Variants in ADARB2 observed in about 807,000 individuals in gnomAD.
ADARB2 encodes the protein inactive double-stranded RNA-specific editase B2.
ADARB2 carries 25 observed loss-of-function variants against 62.2 expected under a neutral mutation model. The observed-to-expected ratio is 0.40, with a 90% CI of 0.29 to 0.56. The LOEUF (loss-of-function observed/expected upper bound fraction) is 0.56. ADARB2 is among the 20% of genes least tolerant of loss of function. The pLI is 0.43. For synonymous variants in ADARB2, 572 were observed against 500.8 expected, an observed-to-expected ratio of 1.14 and a Z score of -1.90; for missense variants, 1,071 against 1,077.4, an observed-to-expected ratio of 0.99 and a Z score of 0.08.
Position 1,200,285 on chromosome 10 carries a change from C to T in ADARB2, c.1683-138G>A, listed in dbSNP as rs904399127. 7 of 1,148,018 alleles carry T rather than the reference C, an allele frequency of 6.1e-6. No individual in the cohort carries two copies. The African/African-American group carries it at 7.6e-5, about 13-fold the overall frequency. The allele number at this position is 1,148,018 out of a possible 1,614,324, so 71.1% of individuals were successfully genotyped here. A position where few individuals can be genotyped will look rare whatever the true frequency, so the allele number is the denominator to read the frequency against. ...GACCTTGGGGAGCTCCCTGGGAGTGCCCCAGACCCAACCCAGCCATCACTG... is the reference window on the plus strand; with the variant it reads ...GACCTTGGGGAGCTCCCTGGGAGTGTCCCAGACCCAACCCAGCCATCACTG... On this transcript the variant is annotated intron_variant, in intron 7 of 9. Transcript: ENST00000381312.
intron 1 of ADARB2, among the ~76,000 whole-genome samples, chr10:1,636,527 A>C (rs1253850603): frequency 6.6e-6 from 1 of 152,048 alleles, no homozygotes; most frequent in Non-Finnish European, 1.5e-5. Context: ...AAACCAAAAG[A>C]AATGGTGCCT....
chr10:1,736,900 A>T, intron 1 of ADARB2, 151 bp downstream of exon 1: 1 of 709,396 alleles, frequency 1.4e-6, no homozygotes, highest in Non-Finnish European at 2.3e-6. Flanking sequence ...CGGGATCTGA[A>T]CTCCCGAGCG....
At chr10:1,587,309 C>T (rs983823776) in intron 1 of ADARB2, among the ~76,000 whole-genome samples, 2 of 152,160 alleles carry the variant, frequency 1.3e-5, no homozygotes, top group Non-Finnish European at 2.9e-5. Flanking sequence ...CCTTTAGAGA[C>T]CCTCAGGGGT....
At chr10:1,607,052 T>C (rs1035584604) in intron 1 of ADARB2, among the ~76,000 whole-genome samples, 17 of 152,192 alleles carry the variant, frequency 1.1e-4, no homozygotes, top group Admixed American at 8.5e-4. Flanking sequence ...TAATGTCTAA[T>C]CTGGACAGGT....
At chr10:1,302,873 T>A (rs1366018659) in intron 3 of ADARB2, among the ~76,000 whole-genome samples, 1 of 151,806 alleles carries the variant, frequency 6.6e-6, no homozygotes, top group African/African-American at 2.4e-5. Context: ...CAAAAACCCA[T>A]CTGTACATCA....
chr10:1,312,362 G>A (rs1443092745), intron 3 of ADARB2, among the ~76,000 whole-genome samples: 1 of 152,218 alleles, frequency 6.6e-6, no homozygotes, highest in Non-Finnish European at 1.5e-5. Context: ...GCCCCCGGCA[G>A]GCCCCAGGCT....
intron 3 of ADARB2, among the ~76,000 whole-genome samples, chr10:1,301,645 C>T (rs1331587278): frequency 6.6e-6 from 1 of 152,116 alleles, no homozygotes; most frequent in African/African-American, 2.4e-5. Context: ...ACTAGGGTGA[C>T]TGCTTAGGAT....
intron 3 of ADARB2, among the ~76,000 whole-genome samples, chr10:1,302,271 G>A (rs186556662): frequency 1.3e-5 from 2 of 152,166 alleles, no homozygotes; most frequent in African/African-American, 2.4e-5. Context: ...GGTGACGGAC[G>A]GCACCTGGAA....
chr10:1,391,372 C>G (rs915084764), intron 1 of ADARB2, among the ~76,000 whole-genome samples: 5 of 152,138 alleles, frequency 3.3e-5, no homozygotes, highest in Non-Finnish European at 7.4e-5. Flanking sequence ...CCATCAGACA[C>G]CTGATCTTGC....
intron 7 of ADARB2, among the ~76,000 whole-genome samples, chr10:1,209,398 C>T (rs1837113923): frequency 6.8e-6 from 1 of 147,502 alleles, no homozygotes; most frequent in South Asian, 2.1e-4. Flanking sequence ...CCCACACCCA[C>T]ACTATCACCT....
At chr10:1,657,995 TTC>T (rs1834193666) in intron 1 of ADARB2, among the ~76,000 whole-genome samples, 1 of 151,430 alleles carries the variant, frequency 6.6e-6, no homozygotes, top group Admixed American at 6.6e-5. Context: ...CTCTCTCTCT[TTC>T]TGTGTCTCTC....
At chr10:1,655,048 A>G (rs903539915) in intron 1 of ADARB2, among the ~76,000 whole-genome samples, 16 of 152,068 alleles carry the variant, frequency 1.1e-4, no homozygotes, top group African/African-American at 3.1e-4. Flanking sequence ...TCCCCTGCAG[A>G]CCCTTGGGAG....
chr10:1,309,592 C>T (rs2131822032), intron 3 of ADARB2, among the ~76,000 whole-genome samples: 1 of 152,304 alleles, frequency 6.6e-6, no homozygotes, highest in East Asian at 1.9e-4. Context: ...ATTATCATTC[C>T]AACAACAGAA....
chr10:1,688,435 G>T (rs1834624843), intron 1 of ADARB2, among the ~76,000 whole-genome samples: 1 of 152,208 alleles, frequency 6.6e-6, no homozygotes, highest in South Asian at 2.1e-4. Context: ...GTGAAGGGCT[G>T]GAGACCCTGA....
intron 1 of ADARB2, among the ~76,000 whole-genome samples, chr10:1,712,964 C>T (rs1163060641): frequency 6.6e-6 from 1 of 152,178 alleles, no homozygotes; most frequent in Non-Finnish European, 1.5e-5. Context: ...TAACACGAAG[C>T]TCCTTAGTCC....
chr10:1,603,395 C>T (rs542685145), intron 1 of ADARB2, among the ~76,000 whole-genome samples: 99 of 152,300 alleles, frequency 6.5e-4, no homozygotes, highest in African/African-American at 2.3e-3. Context: ...CTTTGCACCT[C>T]GAGGTCCTGA....
intron 3 of ADARB2, among the ~76,000 whole-genome samples, chr10:1,343,021 C>A (rs887197290): frequency 6.6e-6 from 1 of 152,110 alleles, no homozygotes; most frequent in African/African-American, 2.4e-5. Context: ...GTGGTCATGA[C>A]CTGCTGGTTC....
chr10:1,539,939 T>C (rs1470161822), intron 1 of ADARB2, among the ~76,000 whole-genome samples: 3 of 152,246 alleles, frequency 2.0e-5, no homozygotes, highest in Non-Finnish European at 2.9e-5. Flanking sequence ...TCTGTTCTTT[T>C]AGTGGTTTGA....
At chr10:1,430,058 C>T (rs1177461761) in intron 1 of ADARB2, among the ~76,000 whole-genome samples, 3 of 152,158 alleles carry the variant, frequency 2.0e-5, no homozygotes, top group African/African-American at 4.8e-5. Flanking sequence ...TCATGTGGCG[C>T]TCTCTATATA....
Sources: gnomAD v4.1 joint callset for allele counts (sites outside exome capture counted in the v4.1 genomes callset) on GRCh38, gnomAD v4.1.1 for gene constraint, MANE v1.5 for transcripts, NCBI Gene and HGNC (gene_info 2026-07-23, HGNC 2026-07-21) for gene names.